Variants in DNAH7 observed in about 807,000 individuals in gnomAD.
DNAH7 encodes axonemal beta dynein heavy chain 7.
A neutral mutation model predicts 444.6 loss-of-function variants in DNAH7; 397 were observed. The observed-to-expected ratio is 0.89, with a 90% CI of 0.82 to 0.97. The LOEUF (loss-of-function observed/expected upper bound fraction) is 0.97. Ranked by LOEUF, DNAH7 falls within the 50% of genes least tolerant of loss-of-function variation. The pLI is 0.00. For synonymous variants in DNAH7, 1,636 were observed against 1,624.4 expected, an observed-to-expected ratio of 1.01 and a Z score of -0.17; for missense variants, 4,902 against 4,800.8, an observed-to-expected ratio of 1.02 and a Z score of -0.62.
chr2:195,960,238 T>G, intron 18 of DNAH7, 22 bp downstream of exon 18: 1 of 1,560,540 alleles, frequency 6.4e-7, no homozygotes, highest in Non-Finnish European at 8.7e-7. Context: ...GCATAAACAT[T>G]GCCATATAAA....
chr2:195,894,887 C>T (rs1037445144), intron 30 of DNAH7, 89 bp downstream of exon 30: 10 of 1,206,048 alleles, frequency 8.3e-6, no homozygotes, highest in South Asian at 2.6e-5. Context: ...TTTAAGTTGC[C>T]ACATTGAATG....
At chr2:195,790,400 C>T (rs1470143001) in intron 57 of DNAH7, among the ~76,000 whole-genome samples, 5 of 150,900 alleles carry the variant, frequency 3.3e-5, no homozygotes, top group African/African-American at 4.9e-5. Context: ...ATACCAGAGT[C>T]ATCGTATTCC....
intron 1 of DNAH7, among the ~76,000 whole-genome samples, chr2:196,066,404 G>A (rs1325199104): frequency 6.6e-6 from 1 of 152,170 alleles, no homozygotes; most frequent in Non-Finnish European, 1.5e-5. Context: ...AAAATGGAAT[G>A]AGCATCACAT....
At chr2:195,904,971 T>C (rs1442298389) in intron 27 of DNAH7, 3 of 152,138 alleles carry the variant, frequency 2.0e-5, no homozygotes, top group Non-Finnish European at 2.9e-5. Flanking sequence ...TGTAGAAGCT[T>C]GAACCAAGAA....
chr2:195,874,422 A>C (rs76467607), intron 38 of DNAH7, among the ~76,000 whole-genome samples: 1,706 of 152,224 alleles, frequency 0.011, 38 homozygotes, highest in African/African-American at 0.038. Context: ...TATTTTTAGA[A>C]AACAGAAATG....
intron 24 of DNAH7, among the ~76,000 whole-genome samples, chr2:195,917,260 C>T (rs1235875165): frequency 6.6e-6 from 1 of 151,830 alleles, no homozygotes; most frequent in African/African-American, 2.4e-5. Flanking sequence ...CAAATGCACA[C>T]TGAGAGAGTC....
chr2:196,058,640 G>T (rs1426213467), intron 1 of DNAH7, among the ~76,000 whole-genome samples: 2 of 146,168 alleles, frequency 1.4e-5, no homozygotes, highest in African/African-American at 5.4e-5. Context: ...TAACAAAAGT[G>T]TAAGACCTAT....
chr2:195,989,649 TG>T (rs1693165631), intron 12 of DNAH7, among the ~76,000 whole-genome samples: 1 of 152,200 alleles, frequency 6.6e-6, no homozygotes, highest in Admixed American at 6.5e-5. Context: ...TAATCCCCAG[TG>T]TTGCAGGTAG....
chr2:195,885,413 G>A (rs1701646978), intron 34 of DNAH7, among the ~76,000 whole-genome samples: 2 of 152,134 alleles, frequency 1.3e-5, no homozygotes, highest in Non-Finnish European at 2.9e-5. Flanking sequence ...TAAGTACAAA[G>A]CCAAGAGATT....
chr2:195,793,017 A>T (rs1695960922), intron 57 of DNAH7, among the ~76,000 whole-genome samples: 1 of 151,850 alleles, frequency 6.6e-6, no homozygotes, highest in Non-Finnish European at 1.5e-5. Context: ...GCAGCCTTAA[A>T]CTCCTGGGCT....
rs1691655868 is a variant in DNAH7 at position 195,968,872 on chromosome 2, G to C, written c.2205+1076C>G. Among the ~76,000 whole-genome samples the C allele has an allele frequency of 1.3e-5, 2 of 152,202 alleles. 1 individual carries two copies. The highest frequency in any genetic ancestry group is 4.1e-4 in the South Asian group (2 of 4,836). ...CTCTCTGTGTGGGTAGGTGCCAGCT[G>C]AGGTCAGAACAGTTTTGCTTTCTGC... is the stretch of plus-strand genomic sequence containing the variant. On this transcript the variant is annotated intron_variant, in intron 17 of 64. Transcript: ENST00000312428.
At chr2:195,927,056 C>T (rs1182566265) in intron 21 of DNAH7, among the ~76,000 whole-genome samples, 1 of 152,088 alleles carries the variant, frequency 6.6e-6, no homozygotes, top group African/African-American at 2.4e-5. Context: ...TTCCAGGCCT[C>T]ACTCCCTCTC....
At chr2:195,946,874 TA>T (rs1407405919) in intron 19 of DNAH7, among the ~76,000 whole-genome samples, 12 of 151,854 alleles carry the variant, frequency 7.9e-5, no homozygotes, top group African/African-American at 2.9e-4. Flanking sequence ...GAGCTCAGAG[TA>T]GAACAGAAGA....
intron 17 of DNAH7, among the ~76,000 whole-genome samples, chr2:195,961,793 T>A (rs1280152437): frequency 6.6e-6 from 1 of 151,920 alleles, no homozygotes; most frequent in Non-Finnish European, 1.5e-5. Flanking sequence ...TTGTGTTAGG[T>A]ACTGTGGAAA....
rs866459044 is a variant in DNAH7, at chr2:195,897,766, C to T, written c.4549-1G>A. On this transcript the variant is annotated splice_acceptor_variant, in intron 28 of 64. Coordinates refer to ENST00000312428, the MANE Select transcript of DNAH7 (RefSeq NM_018897.3). LOFTEE classifies it high-confidence loss of function. ...CTTCATTTTCATTTGGATATTTCAG[C>T]TAAAAAAAAAAAAAAAAACTCATGA... is the stretch of plus-strand genomic sequence containing the variant. 1 of 1,341,190 alleles carries T rather than the reference C, an allele frequency of 7.5e-7. No homozygotes were observed. The highest frequency in any genetic ancestry group is 1.0e-6 in the Non-Finnish European group (1 of 996,564). 83.1% of individuals were successfully genotyped at this position (1,341,190 alleles called of 1,614,324 possible).
At chr2:195,913,869 C>T (rs1051106500) in intron 24 of DNAH7, among the ~76,000 whole-genome samples, 19 of 152,214 alleles carry the variant, frequency 1.2e-4, no homozygotes, top group African/African-American at 4.3e-4. Flanking sequence ...GTGCCCACCA[C>T]CATGCCCAGC....
Position 195,891,672 on chromosome 2 carries a change from C to A in DNAH7, c.5029G>T (p.Ala1677Ser), listed in dbSNP as rs551190156. The change falls in exon 31 of 65, where the codon GCA (alanine) becomes TCA (serine). Residue 1677 changes from alanine (A) to serine (S), a missense_variant. Coordinates refer to ENST00000312428, the MANE Select transcript of DNAH7 (RefSeq NM_018897.3). ...GAACTTACCACTGAAGAGGCAAATG[C>A]TCTAAAACTGACAGCAAGGACCCCA... ...SDGVLAVSFR[A>S]FASSVTPDRK... 38 of 1,592,478 alleles carry A rather than the reference C, an allele frequency of 2.4e-5. 1 individual carries two copies. In the South Asian group the frequency reaches 4.4e-4, roughly 18 times the overall value.
intron 5 of DNAH7, among the ~76,000 whole-genome samples, chr2:196,028,862 T>C (rs796809797): frequency 3.9e-5 from 6 of 152,318 alleles, no homozygotes; most frequent in African/African-American, 1.4e-4. Flanking sequence ...ATATCTGAGA[T>C]ACCATACCAA....
chr2:195,885,783 TA>T (rs2125195673), intron 34 of DNAH7, among the ~76,000 whole-genome samples: 1 of 152,230 alleles, frequency 6.6e-6, no homozygotes, highest in South Asian at 2.1e-4. Context: ...TCAAGGGAAA[TA>T]AAGCAATAAA....
Sources: allele counts gnomAD v4.1 joint callset (sites outside exome capture counted in the v4.1 genomes callset), GRCh38; gene constraint gnomAD v4.1.1; transcripts MANE v1.5; gene names NCBI Gene and HGNC (gene_info 2026-07-23, HGNC 2026-07-21).